The following L3MBTL3 variants were observed in gnomAD, a reference collection of about 807,000 sequenced individuals.
The protein encoded by L3MBTL3 is L3MBTL histone methyl-lysine binding protein 3, also known as lethal(3)malignant brain tumor-like protein 3.
Under a neutral mutation model 102.3 loss-of-function variants are expected in L3MBTL3, and 27 were observed. The ratio of observed to expected loss-of-function variants is 0.26; its 90% confidence interval spans 0.19 to 0.36. The LOEUF (loss-of-function observed/expected upper bound fraction) is 0.36. Ranked by LOEUF, L3MBTL3 falls within the 10% of genes least tolerant of loss-of-function variation. The pLI, the probability that L3MBTL3 is intolerant of heterozygous loss-of-function variation, is 1.00. For synonymous variants in L3MBTL3, 340 were observed against 320.9 expected (o/e 1.06, Z -0.64); for missense variants, 798 against 955.3 (o/e 0.84, Z 2.17).
At chr6:130,108,276 C>T (rs2115388161) in intron 19 of L3MBTL3, among the ~76,000 whole-genome samples, 1 of 139,024 alleles carries the variant, frequency 7.2e-6, no homozygotes, top group Non-Finnish European at 1.6e-5. Flanking sequence ...GCTCTGTCAC[C>T]CAGGCTGGAG....
chr6:130,133,055 T>G lies in L3MBTL3; in HGVS notation c.1967-397T>G, dbSNP rs1787235984. Among the ~76,000 whole-genome samples the G allele has an allele frequency of 6.6e-6, 1 of 152,152 alleles. No homozygotes were observed. Among genetic ancestry groups the G allele is most frequent in the Non-Finnish European group, 1.5e-5 (1 of 68,026 alleles). On this transcript the variant is annotated intron_variant, in intron 20 of 22. Coordinates refer to ENST00000361794, the MANE Select transcript of L3MBTL3 (RefSeq NM_032438.4). This position sits in a 1 kb window ranked among gnomAD's most constrained non-coding sequence, Gnocchi z 4.9. ...TGTGAATACATGGTAAGCACAGGTG[T>G]TAGACGTGAGATGCAACTTGGCTGT...
intron 19 of L3MBTL3, among the ~76,000 whole-genome samples, chr6:130,113,834 C>T (rs1237323599): frequency 6.6e-6 from 1 of 152,182 alleles, no homozygotes; most frequent in Non-Finnish European, 1.5e-5. Flanking sequence ...AGCAAGCTAA[C>T]ATAAAGTATG....
intron 18 of L3MBTL3, among the ~76,000 whole-genome samples, chr6:130,101,792 G>A (rs1784706280): frequency 6.6e-6 from 1 of 152,174 alleles, no homozygotes; most frequent in South Asian, 2.1e-4. Context: ...TTCTGCTCAA[G>A]TTAGGCAGAA....
At chr6:130,053,059 G>T in intron 7 of L3MBTL3, 68 bp downstream of exon 7, 6 of 1,249,478 alleles carry the variant, frequency 4.8e-6, no homozygotes, top group Non-Finnish European at 7.0e-6. Flanking sequence ...ACAGTCACAA[G>T]CACTGCTCTG....
intron 2 of L3MBTL3, among the ~76,000 whole-genome samples, chr6:130,033,704 T>G (rs952130129): frequency 2.0e-5 from 3 of 152,250 alleles, no homozygotes; most frequent in Non-Finnish European, 4.4e-5. Flanking sequence ...CCTCATTTTA[T>G]AACTATTCTT....
chr6:130,135,203 G>A, intron 22 of L3MBTL3, among the ~76,000 whole-genome samples: 1 of 151,662 alleles, frequency 6.6e-6, no homozygotes, highest in Non-Finnish European at 1.5e-5. Context: ...TGGGATTACA[G>A]GTGCCCGCCA....
intron 20 of L3MBTL3, among the ~76,000 whole-genome samples, chr6:130,129,034 C>T (rs1195321353): frequency 1.3e-5 from 2 of 152,114 alleles, no homozygotes; most frequent in African/African-American, 4.8e-5. Flanking sequence ...ATTCCTTATA[C>T]CGTGCAATAT....
rs1780938309 is a variant in L3MBTL3, at chr6:130,049,360, A to G, written c.181A>G (p.Thr61Ala). ...GGAAAATGTTAAAAAAGCAACTGCT[A>G]CCACCACTTGGATGGTACCAACTGC... ...EMENVKKATA[T>A]TTWMVPTAQE... The change falls in exon 4 of 23, where the codon ACC becomes GCC. Residue 61 changes from threonine (T) to alanine (A), a missense_variant. Thr to Ala is a moderately conservative substitution (Grantham distance 58). Transcript: ENST00000361794. 1.2e-6 allele frequency: 2 copies of G among 1,612,296 alleles called. No homozygotes were observed. Among genetic ancestry groups the G allele is most frequent in the East Asian group, 2.2e-5 (1 of 44,864 alleles).
intron 2 of L3MBTL3, among the ~76,000 whole-genome samples, chr6:130,037,543 A>G (rs370479445): frequency 1.8e-4 from 28 of 152,070 alleles, no homozygotes; most frequent in Non-Finnish European, 1.8e-4. Flanking sequence ...TCATATTTCT[A>G]TTATTGATTA....
intron 22 of L3MBTL3, among the ~76,000 whole-genome samples, chr6:130,136,889 A>G (rs536683854): frequency 5.3e-5 from 8 of 152,308 alleles, no homozygotes; most frequent in East Asian, 1.9e-4. Context: ...AAGTGCTGCA[A>G]TTACACTCAT....
At chr6:130,135,759 T>A (rs1787583523) in intron 22 of L3MBTL3, among the ~76,000 whole-genome samples, 1 of 152,236 alleles carries the variant, frequency 6.6e-6, no homozygotes, top group Admixed American at 6.5e-5. Context: ...CTTCATTCAT[T>A]CATCTTGTGC....
intron 1 of L3MBTL3, among the ~76,000 whole-genome samples, chr6:130,019,889 G>A (rs1778835746): frequency 7.1e-6 from 1 of 141,272 alleles, no homozygotes. Context: ...GGGCCGGGCC[G>A]GGAGCCCGCG....
intron 20 of L3MBTL3, among the ~76,000 whole-genome samples, chr6:130,128,017 C>A (rs984928482): frequency 2.0e-5 from 3 of 151,994 alleles, no homozygotes; most frequent in Non-Finnish European, 4.4e-5. Flanking sequence ...TACTTTGTAA[C>A]CTGCAGTTTG....
At chr6:130,054,904 G>A (rs1029165342) in intron 7 of L3MBTL3, among the ~76,000 whole-genome samples, 3 of 152,224 alleles carry the variant, frequency 2.0e-5, no homozygotes, top group Non-Finnish European at 2.9e-5. Flanking sequence ...GAGCGGTCAC[G>A]CAGCTGAGAG....
intron 19 of L3MBTL3, among the ~76,000 whole-genome samples, chr6:130,119,148 T>C (rs1453021484): frequency 1.3e-5 from 2 of 152,124 alleles, no homozygotes; most frequent in Admixed American, 6.6e-5. Flanking sequence ...GGACTCATGG[T>C]GTTTCTCTCT....
At chr6:130,066,133 A>G (rs376549240) in intron 10 of L3MBTL3, among the ~76,000 whole-genome samples, 87 of 152,118 alleles carry the variant, frequency 5.7e-4, no homozygotes, top group Non-Finnish European at 9.0e-4. Context: ...GTAACTGAGA[A>G]TGTTGCCAGA....
At chr6:130,097,971 G>T (rs765694390) in intron 18 of L3MBTL3, among the ~76,000 whole-genome samples, 1 of 152,068 alleles carries the variant, frequency 6.6e-6, no homozygotes, top group Non-Finnish European at 1.5e-5. Context: ...GGAGGCTGAG[G>T]CAGGAGAATC....
At chr6:130,138,902 T>G (rs988484286) in intron 22 of L3MBTL3, among the ~76,000 whole-genome samples, 3 of 152,206 alleles carry the variant, frequency 2.0e-5, no homozygotes, top group Admixed American at 1.3e-4. Context: ...CCTTTGAACT[T>G]CTAGAGAATA....
intron 9 of L3MBTL3, among the ~76,000 whole-genome samples, chr6:130,058,889 T>C (rs928747290): frequency 4.6e-5 from 7 of 152,330 alleles, no homozygotes; most frequent in Admixed American, 3.9e-4. Flanking sequence ...GTCATAGATA[T>C]ATTTTTATGT....
Sources: allele counts gnomAD v4.1 joint callset (sites outside exome capture counted in the v4.1 genomes callset), GRCh38; gene constraint gnomAD v4.1.1; non-coding constraint Gnocchi (gnomAD v3.1); transcripts MANE v1.5; gene names NCBI Gene and HGNC (gene_info 2026-07-23, HGNC 2026-07-21).